The following TSPAN7 variants were observed in gnomAD, a reference collection of about 807,000 sequenced individuals.
The protein encoded by TSPAN7 is tetraspanin 7.
A neutral mutation model predicts 17.6 loss-of-function variants in TSPAN7; 1 was observed. The observed-to-expected ratio is 0.06, with a 90% confidence interval of 0.02 to 0.27. TSPAN7 has a LOEUF of 0.27. Among genes scored for constraint, TSPAN7 ranks in the 10% least tolerant of loss-of-function variants. TSPAN7 has a pLI of 1.00. For missense variants in TSPAN7, 112 were observed against 201.7 expected (o/e 0.56, Z 2.69); for synonymous variants, 78 against 79.0 (o/e 0.99, Z 0.07).
chrX:38,593,073 G>T (rs1334431696), intron 1 of TSPAN7, among the ~76,000 whole-genome samples: 1 of 110,741 alleles, frequency 9.0e-6, no homozygotes, highest in Admixed American at 9.6e-5. Context: ...GTATTTTAAA[G>T]ATGTTTCTCC....
rs767916113 is a variant in TSPAN7, at chrX:38,686,805, A to C, written c.682-794A>C. Among the ~76,000 whole-genome samples the C allele has an allele frequency of 2.7e-5, 3 of 111,971 alleles. No individual in the cohort carries two copies. The South Asian group carries it at 1.1e-3, about 42-fold the overall frequency. ...TGAGAGTATCACAGTCATCTTTATTAGATTCACTTGTGCCACAGTTTAGAT... is the reference window on the plus strand; with the variant it reads ...TGAGAGTATCACAGTCATCTTTATTCGATTCACTTGTGCCACAGTTTAGAT... On this transcript the variant is annotated intron_variant, in intron 6 of 7. Transcript: ENST00000378482.
At chrX:38,599,924 C>T (rs2069336932) in intron 1 of TSPAN7, among the ~76,000 whole-genome samples, 1 of 111,876 alleles carries the variant, frequency 8.9e-6, no homozygotes, top group South Asian at 3.7e-4. Flanking sequence ...CTGCTAGAAT[C>T]CTTGAAATCT....
intron 1 of TSPAN7, among the ~76,000 whole-genome samples, chrX:38,621,232 A>G (rs765736192): frequency 2.0e-4 from 23 of 112,437 alleles, no homozygotes; most frequent in African/African-American, 7.4e-4. Context: ...AGCCCATCAT[A>G]TAGCACTTTA....
chrX:38,629,297 C>T (rs1378751680), intron 1 of TSPAN7, among the ~76,000 whole-genome samples: 4 of 111,956 alleles, frequency 3.6e-5, no homozygotes, highest in Admixed American at 9.4e-5. Flanking sequence ...GAATCTTCCA[C>T]CACGGTTTGT....
intron 3 of TSPAN7, among the ~76,000 whole-genome samples, chrX:38,673,234 G>A (rs1388715859): frequency 9.0e-6 from 1 of 111,626 alleles, no homozygotes; most frequent in Non-Finnish European, 1.9e-5. Context: ...TACCAATTGG[G>A]GGTCAGTTTT....
At chrX:38,566,663 CAGTT>C (rs1160182224) in intron 1 of TSPAN7, among the ~76,000 whole-genome samples, 2 of 111,508 alleles carry the variant, frequency 1.8e-5, no homozygotes, top group African/African-American at 6.5e-5. Context: ...TTTTTGTGAT[CAGTT>C]AGTTTGTCAG....
At chrX:38,656,249 A>G (rs1353949114) in intron 1 of TSPAN7, 1 of 173,739 alleles carries the variant, frequency 5.8e-6, no homozygotes, top group African/African-American at 3.0e-5. Flanking sequence ...TATTAATACA[A>G]TTAATACAGG....
chrX:38,642,029 G>A (rs1602109640), intron 1 of TSPAN7, among the ~76,000 whole-genome samples: 2 of 111,715 alleles, frequency 1.8e-5, no homozygotes, highest in Non-Finnish European at 3.8e-5. Flanking sequence ...GTAGATACTT[G>A]TCATGTTTCT....
chrX:38,621,203 C>T (rs974915699), intron 1 of TSPAN7, among the ~76,000 whole-genome samples: 5 of 112,331 alleles, frequency 4.5e-5, no homozygotes, highest in Non-Finnish European at 9.4e-5. Flanking sequence ...CACAACTTTA[C>T]TGATTTTTAA....
At chrX:38,566,301 A>T in intron 1 of TSPAN7, 1 of 948,322 alleles carries the variant, frequency 1.1e-6, no homozygotes, top group Non-Finnish European at 1.4e-6. Flanking sequence ...ATTTCTCCTG[A>T]TTTGTATGTT....
intron 1 of TSPAN7, among the ~76,000 whole-genome samples, chrX:38,569,719 T>G (rs1015315423): frequency 9.0e-6 from 1 of 111,452 alleles, no homozygotes; most frequent in African/African-American, 3.3e-5. Context: ...GTCTCCTCTC[T>G]TTGTTATTGT....
chrX:38,658,186 G>A (rs780431328), intron 1 of TSPAN7, among the ~76,000 whole-genome samples: 1 of 110,801 alleles, frequency 9.0e-6, no homozygotes, highest in Admixed American at 9.6e-5. Flanking sequence ...TTTCCCATAA[G>A]TCTTTTTTTA....
chrX:38,661,579 T>TA (rs2069745205), intron 1 of TSPAN7, among the ~76,000 whole-genome samples: 1 of 111,840 alleles, frequency 8.9e-6, no homozygotes, highest in South Asian at 3.8e-4. Context: ...TTTGGGAGCA[T>TA]ATAAGGTGGT....
intron 1 of TSPAN7, chrX:38,612,812 A>G (rs1242806597): frequency 8.9e-6 from 1 of 111,770 alleles, no homozygotes; most frequent in Non-Finnish European, 1.9e-5. Flanking sequence ...GTAGAGAAGT[A>G]TGAAGCCATT....
At chrX:38,621,152 A>G (rs2069485742) in intron 1 of TSPAN7, among the ~76,000 whole-genome samples, 1 of 112,299 alleles carries the variant, frequency 8.9e-6, no homozygotes, top group Admixed American at 9.4e-5. Context: ...CAGCAAGGAT[A>G]CCATAGGTTT....
At chrX:38,609,811 C>A (rs993270587) in intron 1 of TSPAN7, among the ~76,000 whole-genome samples, 5 of 110,149 alleles carry the variant, frequency 4.5e-5, no homozygotes, top group Non-Finnish European at 9.5e-5. Context: ...CCAATTCCTG[C>A]AAATATAGTG....
intron 1 of TSPAN7, among the ~76,000 whole-genome samples, chrX:38,632,933 C>T (rs2069558820): frequency 8.9e-6 from 1 of 112,178 alleles, no homozygotes; most frequent in Non-Finnish European, 1.9e-5. Context: ...TCATGAACTA[C>T]AGAAGTCTCT....
intron 1 of TSPAN7, among the ~76,000 whole-genome samples, chrX:38,562,559 GGGAGGAGGAGGAGGGGGAGGA>G (rs1277233179): frequency 2.0e-5 from 2 of 100,592 alleles, no homozygotes; most frequent in African/African-American, 3.9e-5. Flanking sequence ...CGGGGGAGGG[GGGAGGAGGAGGAGGGGGAGGA>G]GGAGGAGGAG....
intron 1 of TSPAN7, among the ~76,000 whole-genome samples, chrX:38,623,961 G>A (rs191175048): frequency 2.1e-3 from 192 of 89,522 alleles, no homozygotes; most frequent in Non-Finnish European, 2.8e-3. Context: ...GTATCTCAGT[G>A]TTAGAACTGA....
Sources: allele counts gnomAD v4.1 joint callset (sites outside exome capture counted in the v4.1 genomes callset), GRCh38; gene constraint gnomAD v4.1.1; transcripts MANE v1.5; gene names NCBI Gene and HGNC (gene_info 2026-07-23, HGNC 2026-07-21).